Variants in RIMS1 observed in about 807,000 individuals in gnomAD.
The protein encoded by RIMS1 is regulating synaptic membrane exocytosis 1, also known as regulating synaptic membrane exocytosis protein 1.
In RIMS1, 83 loss-of-function variants were observed where a neutral mutation model predicts 214.1. The observed-to-expected ratio is 0.39, with a 90% CI of 0.32 to 0.47. RIMS1 has a LOEUF of 0.47. Ranked by LOEUF, RIMS1 falls within the 20% of genes least tolerant of loss-of-function variation. The pLI is 0.99. For missense variants in RIMS1, 2,050 were observed against 2,161.8 expected (o/e 0.95, Z 1.03); for synonymous variants, 793 against 786.8 (o/e 1.01, Z -0.13).
chr6:72,056,680 T>G (rs1384814514), intron 2 of RIMS1, among the ~76,000 whole-genome samples: 1 of 152,220 alleles, frequency 6.6e-6, no homozygotes, highest in Non-Finnish European at 1.5e-5. Flanking sequence ...GACCATTATC[T>G]TTTAAATGGG....
Position 72,182,896 on chromosome 6 carries a change from C to A in RIMS1, c.1425C>A (p.Arg475=). Residue 475 remains arginine, a synonymous_variant, in exon 6 of 34, where the codon CGC becomes CGA. Coordinates refer to ENST00000521978, the MANE Select transcript of RIMS1 (RefSeq NM_014989.7). ...AGGAGCCCCTCAGGAAGCAGAGCCGCCTGGACCCCAGCTCGGCGGTCCTCA... is the reference window on the plus strand; with the variant it reads ...AGGAGCCCCTCAGGAAGCAGAGCCGACTGGACCCCAGCTCGGCGGTCCTCA... ...KAQEPLRKQS[R]LDPSSAVLMR... 1 of 1,573,054 alleles carries A rather than the reference C, an allele frequency of 6.4e-7. No homozygotes were observed. Among genetic ancestry groups the A allele is most frequent in the Non-Finnish European group, 8.6e-7 (1 of 1,160,854 alleles).
intron 28 of RIMS1, among the ~76,000 whole-genome samples, chr6:72,318,160 A>T (rs1001082428): frequency 2.6e-5 from 4 of 152,226 alleles, no homozygotes; most frequent in Admixed American, 2.6e-4. Flanking sequence ...TTTTTTTCTG[A>T]CCACACAATC....
intron 4 of RIMS1, chr6:72,155,990 GA>G (rs1166842039): frequency 1.5e-5 from 4 of 260,258 alleles, no homozygotes; most frequent in Non-Finnish European, 2.4e-5. Flanking sequence ...AGGATATGGA[GA>G]AAAAAATAAC....
At chr6:71,986,927 G>T (rs186471567) in intron 2 of RIMS1, among the ~76,000 whole-genome samples, 20 of 152,324 alleles carry the variant, frequency 1.3e-4, no homozygotes, top group African/African-American at 3.6e-4. Flanking sequence ...AAAAATTTTG[G>T]GGCTCCTGAC....
At position 72,328,691 on chromosome 6, in the gene RIMS1, C is replaced by A. The variant is rs145562592; in HGVS notation, c.4131-4909C>A. On this transcript the variant is annotated intron_variant, in intron 28 of 33. Coordinates refer to ENST00000521978, the MANE Select transcript of RIMS1 (RefSeq NM_014989.7). Reference sequence around the variant, plus strand: ...AACTAGCAGGTTCAGTGTTACCACACAGCTATAGGGTTAAAATTAACGTAG... The same window carrying A: ...AACTAGCAGGTTCAGTGTTACCACAAAGCTATAGGGTTAAAATTAACGTAG... Among the ~76,000 whole-genome samples, 306 of 151,724 alleles carry A rather than the reference C, an allele frequency of 2.0e-3. 3 individuals are homozygous for A. The highest frequency in any genetic ancestry group is 3.9e-3 in the South Asian group (19 of 4,818).
chr6:72,003,143 TG>T (rs1805918136), intron 2 of RIMS1, among the ~76,000 whole-genome samples: 1 of 152,092 alleles, frequency 6.6e-6, no homozygotes, highest in African/African-American at 2.4e-5. Flanking sequence ...AGGGTGATTA[TG>T]GGGGTGACTG....
At chr6:72,059,184 A>G (rs138895203) in intron 2 of RIMS1, among the ~76,000 whole-genome samples, 15 of 152,330 alleles carry the variant, frequency 9.8e-5, no homozygotes, top group East Asian at 5.8e-4. Context: ...GATATGTTTC[A>G]TGAATTCATA....
chr6:72,128,713 A>T (rs546936041), intron 4 of RIMS1, among the ~76,000 whole-genome samples: 5 of 152,246 alleles, frequency 3.3e-5, no homozygotes, highest in African/African-American at 7.2e-5. Context: ...ATGTGACTTT[A>T]AAAATCCAGG....
chr6:72,216,489 G>T (rs1185225737), intron 6 of RIMS1: 2 of 985,320 alleles, frequency 2.0e-6, no homozygotes, highest in Non-Finnish European at 2.4e-6. Context: ...ACAATCAATT[G>T]TGTATACTCT....
intron 2 of RIMS1, among the ~76,000 whole-genome samples, chr6:72,080,079 A>C (rs1199530917): frequency 7.6e-6 from 1 of 131,738 alleles, no homozygotes; most frequent in African/African-American, 3.0e-5. Flanking sequence ...TCTACTAAAA[A>C]AAAAAAAAAA....
intron 2 of RIMS1, among the ~76,000 whole-genome samples, chr6:72,012,322 C>A (rs890239683): frequency 6.6e-6 from 1 of 151,842 alleles, no homozygotes; most frequent in Admixed American, 6.6e-5. Flanking sequence ...ACACACTGGG[C>A]CCTGTTGTAG....
chr6:72,176,134 T>C (rs111802822), intron 4 of RIMS1, among the ~76,000 whole-genome samples: 1,715 of 151,990 alleles, frequency 0.011, 11 homozygotes, highest in Non-Finnish European at 0.017. Flanking sequence ...AGATAAGTTA[T>C]TGCACAGGCC....
intron 4 of RIMS1, among the ~76,000 whole-genome samples, chr6:72,124,157 G>A (rs906248165): frequency 3.3e-5 from 5 of 151,860 alleles, no homozygotes; most frequent in South Asian, 4.2e-4. Context: ...AGCTCTTTTA[G>A]GGCAGGCCTG....
In RIMS1 at chr6:72,020,935, T is replaced by C. The variant is rs530990267; in HGVS notation, c.245+51872T>C. Among the ~76,000 whole-genome samples, 15 of 152,338 alleles carry C rather than the reference T, an allele frequency of 9.8e-5. No individual in the cohort carries two copies. The East Asian group carries it at 2.9e-3, about 29-fold the overall frequency. On this transcript the variant is annotated intron_variant, in intron 2 of 33. Coordinates refer to ENST00000521978, the MANE Select transcript of RIMS1 (RefSeq NM_014989.7). ...ACTCTTTTAATATGTTATCACTGAG[T>C]ACCTGCTATATGTGATACTGTACTG...
intron 2 of RIMS1, among the ~76,000 whole-genome samples, chr6:72,036,154 CAA>C (rs1486039503): frequency 6.6e-6 from 1 of 152,086 alleles, no homozygotes; most frequent in Non-Finnish European, 1.5e-5. Context: ...ATGACTGTGG[CAA>C]AGAGTGAATC....
At chr6:72,175,164 C>T (rs1203379354) in intron 4 of RIMS1, among the ~76,000 whole-genome samples, 1 of 152,106 alleles carries the variant, frequency 6.6e-6, no homozygotes, top group African/African-American at 2.4e-5. Flanking sequence ...TTGACTATCT[C>T]GTCTTCTTTT....
chr6:72,121,434 C>G (rs2038280219), intron 4 of RIMS1, among the ~76,000 whole-genome samples: 1 of 151,812 alleles, frequency 6.6e-6, no homozygotes, highest in South Asian at 2.1e-4. Context: ...GGAGTTCACT[C>G]ATGATTTGGC....
intron 28 of RIMS1, among the ~76,000 whole-genome samples, chr6:72,315,406 A>C (rs1171867728): frequency 2.0e-5 from 3 of 152,108 alleles, no homozygotes; most frequent in Non-Finnish European, 2.9e-5. Flanking sequence ...ACCCATATAA[A>C]CTGAGAGTTT....
chr6:72,140,870 T>G (rs1030308860), intron 4 of RIMS1, among the ~76,000 whole-genome samples: 23 of 152,192 alleles, frequency 1.5e-4, no homozygotes, highest in Admixed American at 1.5e-3. Flanking sequence ...AGATACTTTT[T>G]AGCAAAAGTA....
Sources: gnomAD v4.1 joint callset for allele counts (sites outside exome capture counted in the v4.1 genomes callset) on GRCh38, gnomAD v4.1.1 for gene constraint, MANE v1.5 for transcripts, NCBI Gene and HGNC (gene_info 2026-07-23, HGNC 2026-07-21) for gene names.